The following ARMC9 variants were observed in gnomAD, a reference collection of about 807,000 sequenced individuals.
ARMC9 encodes the protein armadillo repeat containing 9, also known as lisH domain-containing protein ARMC9.
Under a neutral mutation model 107.0 loss-of-function variants are expected in ARMC9, and 94 were observed. The ratio of observed to expected loss-of-function variants is 0.88; its 90% CI spans 0.74 to 1.04. The LOEUF (loss-of-function observed/expected upper bound fraction) is 1.04, where lower values mean the gene tolerates loss of function less well. Ranked by LOEUF, ARMC9 falls within the 50% of genes least tolerant of loss-of-function variation. The probability of loss-of-function intolerance (pLI) is 0.00; values close to 1 mark genes in which losing one functional copy is unlikely to be tolerated. For synonymous variants in ARMC9, 380 were observed against 396.9 expected, an observed-to-expected ratio of 0.96 and a Z score of 0.51; for missense variants, 942 against 1,030.1, an observed-to-expected ratio of 0.91 and a Z score of 1.17.
chr2:231,283,450 GAC>G (rs909322033), intron 17 of ARMC9, among the ~76,000 whole-genome samples: 44 of 152,218 alleles, frequency 2.9e-4, no homozygotes, highest in African/African-American at 1.0e-3. Context: ...TTGTTTTTGA[GAC>G]AGAGTCTGGC....
At chr2:231,274,178 C>T (rs936481732) in intron 14 of ARMC9, among the ~76,000 whole-genome samples, 1 of 152,072 alleles carries the variant, frequency 6.6e-6, no homozygotes, top group Non-Finnish European at 1.5e-5. Flanking sequence ...AGTGCAGTGG[C>T]GCAATCTTGG....
intron 9 of ARMC9, among the ~76,000 whole-genome samples, chr2:231,250,485 C>T (rs951258296): frequency 4.6e-5 from 7 of 152,176 alleles, no homozygotes; most frequent in Non-Finnish European, 7.3e-5. Flanking sequence ...GGCTAGTGCA[C>T]AGTGTGGAAA....
intron 9 of ARMC9, among the ~76,000 whole-genome samples, chr2:231,254,148 A>G (rs2037543766): frequency 6.6e-6 from 1 of 152,176 alleles, no homozygotes; most frequent in Non-Finnish European, 1.5e-5. Flanking sequence ...GAAGGATGAA[A>G]TCTCTAAATG....
intron 16 of ARMC9, among the ~76,000 whole-genome samples, chr2:231,278,814 A>T (rs1175039374): frequency 6.6e-6 from 1 of 152,046 alleles, no homozygotes; most frequent in Admixed American, 6.6e-5. Context: ...CTTAAAAGAG[A>T]TATGATACTG....
At chr2:231,348,935 A>C (rs1188126662) in intron 21 of ARMC9, among the ~76,000 whole-genome samples, 1 of 152,200 alleles carries the variant, frequency 6.6e-6, no homozygotes, top group African/African-American at 2.4e-5. Context: ...GGCAATAACA[A>C]ATGCTGGCAA....
intron 24 of ARMC9, 26 bp downstream of exon 24, chr2:231,370,151 G>A (rs374957634): frequency 3.4e-6 from 5 of 1,485,814 alleles, no homozygotes; most frequent in East Asian, 2.6e-5. Flanking sequence ...CCCCACTGGC[G>A]TGGGAGCCTG....
chr2:231,204,379 C>T (rs2031630214), intron 1 of ARMC9, among the ~76,000 whole-genome samples: 1 of 152,076 alleles, frequency 6.6e-6, no homozygotes, highest in Non-Finnish European at 1.5e-5. Context: ...CTGCAGAGCT[C>T]TTCAGCCTGA....
intron 16 of ARMC9, among the ~76,000 whole-genome samples, chr2:231,279,265 T>A (rs2040012566): frequency 6.6e-6 from 1 of 152,224 alleles, no homozygotes; most frequent in Admixed American, 6.5e-5. Flanking sequence ...CCCCAAGCAC[T>A]TTTTAAATAA....
intron 7 of ARMC9, among the ~76,000 whole-genome samples, chr2:231,228,432 G>A (rs1042191681): frequency 3.3e-5 from 5 of 152,182 alleles, no homozygotes; most frequent in Non-Finnish European, 4.4e-5. Context: ...TGGCTGTCAC[G>A]TGGGGTCTCA....
At chr2:231,354,027 T>TA (rs2045227863) in intron 21 of ARMC9, among the ~76,000 whole-genome samples, 2 of 151,558 alleles carry the variant, frequency 1.3e-5, no homozygotes, top group Non-Finnish European at 2.9e-5. Context: ...CATATATAGA[T>TA]ATATAGATTT....
chr2:231,283,655 C>T (rs2040379150), intron 17 of ARMC9, among the ~76,000 whole-genome samples: 1 of 152,100 alleles, frequency 6.6e-6, no homozygotes, highest in African/African-American at 2.4e-5. Context: ...GTCTCAAGCT[C>T]CTAACCTCAA....
Position 231,358,350 on chromosome 2 carries a change from A to AATTGATTGATTG in ARMC9, c.2132-2383_2132-2372dup, listed in dbSNP as rs143556558. 0.071 allele frequency among the ~76,000 whole-genome samples: 10,787 copies of AATTGATTGATTG among 151,030 alleles called. 1,281 individuals carry two copies. The highest frequency in any genetic ancestry group is 0.25 in the African/African-American group (10,182 of 40,746). ...CTTCTCCATCCCTCCCCTCCACTTC[A>AATTGATTGATTG]ATTGATTGATTGATTGATTGATTGA... On this transcript the variant is annotated intron_variant, in intron 22 of 24. Transcript: ENST00000611582. This position sits in a 1 kb window ranked among gnomAD's most constrained non-coding sequence, Gnocchi z 4.5.
intron 1 of ARMC9, among the ~76,000 whole-genome samples, chr2:231,199,205 A>G (rs561828736): frequency 6.6e-6 from 1 of 152,300 alleles, no homozygotes; most frequent in South Asian, 2.1e-4. Flanking sequence ...TCTTTCTTAT[A>G]TAGGAATTCA....
intron 19 of ARMC9, among the ~76,000 whole-genome samples, chr2:231,299,290 C>T (rs376573341): frequency 1.8e-4 from 27 of 152,078 alleles, no homozygotes; most frequent in African/African-American, 5.3e-4. Context: ...CCAATAATTT[C>T]GGAAAAAGCA....
intron 9 of ARMC9, among the ~76,000 whole-genome samples, chr2:231,241,932 G>A (rs1330153143): frequency 6.6e-6 from 1 of 152,058 alleles, no homozygotes; most frequent in Non-Finnish European, 1.5e-5. Context: ...TAAAGCAGGA[G>A]AGGGCAGTTA....
intron 14 of ARMC9, among the ~76,000 whole-genome samples, 200 bp from the exon 15 acceptor site, chr2:231,276,436 A>G (rs2039759888): frequency 6.6e-6 from 1 of 151,760 alleles, no homozygotes; most frequent in East Asian, 1.9e-4. Flanking sequence ...CGCCTGGCTA[A>G]TTTTTGTATT....
intron 17 of ARMC9, among the ~76,000 whole-genome samples, chr2:231,286,908 C>T (rs12469102): frequency 0.054 from 8,177 of 152,266 alleles, 556 homozygotes; most frequent in East Asian, 0.25. Flanking sequence ...CTTTAAGAGC[C>T]TGCCAAGGCC....
intron 9 of ARMC9, among the ~76,000 whole-genome samples, chr2:231,243,006 G>A (rs2036436865): frequency 1.3e-5 from 2 of 152,228 alleles, no homozygotes; most frequent in South Asian, 4.2e-4. Flanking sequence ...CAGCACTTTG[G>A]GAGGCCGAGG....
rs1340771641 is a variant in ARMC9 at position 231,227,798 on chromosome 2, G to A, written c.622+1000G>A. 2.0e-5 allele frequency among the ~76,000 whole-genome samples: 3 copies of A among 152,190 alleles called. No individual in the cohort carries two copies. The East Asian group carries it at 5.8e-4, about 29-fold the overall frequency. ...CCTTTGAGAAGGCTTCGGATGCTTG[G>A]TTTTGCTCTTGGTAGCCTCAAGCAT... is the stretch of plus-strand genomic sequence containing the variant. On this transcript the variant is annotated intron_variant, in intron 7 of 24. Coordinates refer to ENST00000611582, the MANE Select transcript of ARMC9 (RefSeq NM_001352754.2).
Sources: gnomAD v4.1 joint callset for allele counts (sites outside exome capture counted in the v4.1 genomes callset) on GRCh38, gnomAD v4.1.1 for gene constraint, Gnocchi (gnomAD v3.1) non-coding constraint, MANE v1.5 for transcripts, NCBI Gene and HGNC (gene_info 2026-07-23, HGNC 2026-07-21) for gene names.